The following ANKRD26 variants were observed in gnomAD, a reference collection of about 807,000 sequenced individuals.
ANKRD26 encodes the protein ankyrin repeat domain-containing protein 26.
Under a neutral mutation model 208.7 loss-of-function variants are expected in ANKRD26, and 141 were observed. The ratio of observed to expected loss-of-function variants is 0.68; its 90% CI spans 0.59 to 0.78. ANKRD26 has a LOEUF of 0.78. Among genes scored for constraint, ANKRD26 ranks in the 30% least tolerant of loss-of-function variants. The probability of loss-of-function intolerance (pLI) is 0.00; values close to 1 mark genes in which losing one functional copy is unlikely to be tolerated. For missense variants in ANKRD26, 1,889 were observed against 1,938.7 expected, an observed-to-expected ratio of 0.97 and a Z score of 0.48; for synonymous variants, 636 against 660.4, an observed-to-expected ratio of 0.96 and a Z score of 0.57.
intron 1 of ANKRD26, among the ~76,000 whole-genome samples, chr10:27,095,119 C>T (rs1262727088): frequency 6.6e-6 from 1 of 151,984 alleles, no homozygotes; most frequent in Non-Finnish European, 1.5e-5. Context: ...TTTATTACAA[C>T]TATAATTGGA....
intron 12 of ANKRD26, 140 bp from the exon 13 acceptor site, chr10:27,061,382 T>C (rs2055050561): frequency 1.8e-6 from 1 of 557,740 alleles, no homozygotes; most frequent in Admixed American, 3.4e-5. Context: ...CAGTGTTTAT[T>C]TAAAATAACA....
At chr10:27,044,871 AT>A (rs1311144624) in intron 18 of ANKRD26, among the ~76,000 whole-genome samples, 3 of 148,036 alleles carry the variant, frequency 2.0e-5, no homozygotes, top group African/African-American at 7.6e-5. Context: ...TCCAAAACAT[AT>A]TTTGCTGTGC....
At chr10:26,976,459 C>T (rs1004251275) in intron 5 of ANKRD26, among the ~76,000 whole-genome samples, 4 of 152,128 alleles carry the variant, frequency 2.6e-5, no homozygotes, top group African/African-American at 9.7e-5. Flanking sequence ...AGGTGATCTG[C>T]CCGCCTCAGC....
chr10:27,038,153 C>T, intron 21 of ANKRD26, 99 bp from the exon 22 acceptor site: 1 of 935,200 alleles, frequency 1.1e-6, no homozygotes, highest in Admixed American at 2.5e-5. Flanking sequence ...TACCCTAATA[C>T]AATTTCTATG....
At chr10:27,092,560 T>C (rs749071610) in intron 3 of ANKRD26, 48 bp from the exon 4 acceptor site, 1 of 1,373,384 alleles carries the variant, frequency 7.3e-7, no homozygotes, top group Admixed American at 1.8e-5. Flanking sequence ...TACATAATTC[T>C]CGGCTGAACT....
rs971166720 is a variant in ANKRD26, at chr10:27,096,782, G to GA, written c.243-2984dup. Among the ~76,000 whole-genome samples, 433 of 139,486 alleles carry GA rather than the reference G, an allele frequency of 3.1e-3. 2 individuals carry two copies. The highest frequency in any genetic ancestry group is 0.011 in the African/African-American group (408 of 36,142). The allele number at this position is 139,486 out of a possible 152,430, so 91.5% of individuals were successfully genotyped here. On this transcript the variant is annotated intron_variant, in intron 1 of 33. Coordinates refer to ENST00000376087, the MANE Select transcript of ANKRD26 (RefSeq NM_014915.3). The stretch of plus-strand genomic sequence containing the variant: ...CTCCATCTCAAAAAAAAAAAAAAAA[G>GA]AAAAAAAAATCAGCTCTGCAAATCT...
chr10:26,968,543 T>C, the ANKRD26 span, among the ~76,000 whole-genome samples: 1 of 152,192 alleles, frequency 6.6e-6, no homozygotes, highest in Non-Finnish European at 1.5e-5. Context: ...ACGGACAAAT[T>C]AGCCCCAACA....
chr10:27,050,219 C>CAAAAAAAAAAAAA (rs67384671), intron 16 of ANKRD26, among the ~76,000 whole-genome samples: 148 of 32,986 alleles, frequency 4.5e-3, no homozygotes, highest in East Asian at 0.015. Context: ...GAATCTGTCT[C>CAAAAAAAAAAAAA]AAAAAAAAAA....
At chr10:27,005,844 A>T in intron 33 of ANKRD26, 121 bp from the exon 34 acceptor site, 1 of 1,240,154 alleles carries the variant, frequency 8.1e-7, no homozygotes, top group South Asian at 1.7e-5. Context: ...ATATGTATGC[A>T]CAACTATTAT....
At chr10:27,044,231 T>A in intron 18 of ANKRD26, 41 bp from the exon 19 acceptor site, 1 of 1,396,606 alleles carries the variant, frequency 7.2e-7, no homozygotes, top group Non-Finnish European at 9.8e-7. Flanking sequence ...AGTAAACATG[T>A]AAAATGCAAG....
At position 27,014,670 on chromosome 10, in the gene ANKRD26, C is replaced by G. The variant is rs2053230855; in HGVS notation, c.4548G>C (p.Glu1516Asp). The change falls in exon 31 of 34, where the codon GAG becomes GAC. Residue 1516 changes from glutamate (E) to aspartate (D), a missense_variant. Coordinates refer to ENST00000376087, the MANE Select transcript of ANKRD26 (RefSeq NM_014915.3). ...ASQENLEQFR[E>D]NNFASMKSQM... ...GACTTTTCATTGAAGCAAAATTATTCTCTCTAAACTGCTCTAAGTTTTCTT... is the reference window on the plus strand; with the variant it reads ...GACTTTTCATTGAAGCAAAATTATTGTCTCTAAACTGCTCTAAGTTTTCTT... The G allele has an allele frequency of 6.2e-7, 1 of 1,610,568 alleles. No individual in the cohort carries two copies.
chr10:26,998,319 T>C lies in ANKRD26; in HGVS notation c.563-3172A>G, dbSNP rs894952098. Among the ~76,000 whole-genome samples, 7 of 152,228 alleles carry C rather than the reference T, an allele frequency of 4.6e-5. 1 individual carries two copies. Among genetic ancestry groups the C allele is most frequent in the African/African-American group, 1.7e-4 (7 of 41,454 alleles). On this transcript the variant is annotated intron_variant, in intron 4 of 5. Transcript: ENST00000445828. ...GGTGGCACTGCTAGATTTTATTCAA[T>C]CCACAACCCTTTGGAACACTGAGGG...
downstream of ANKRD26, among the ~76,000 whole-genome samples, chr10:26,988,166 C>T (rs1382028860): frequency 6.6e-6 from 1 of 152,130 alleles, no homozygotes; most frequent in Non-Finnish European, 1.5e-5. Context: ...AGGGTGAAAT[C>T]TGGTGTGCAG....
chr10:27,006,161 G>A (rs147255131), intron 33 of ANKRD26, among the ~76,000 whole-genome samples: 4 of 152,264 alleles, frequency 2.6e-5, no homozygotes, highest in East Asian at 1.9e-4. Context: ...AGTCAATAAC[G>A]TAGGCTTTTT....
chr10:27,080,607 A>G (rs2055872713), intron 6 of ANKRD26: 2 of 981,180 alleles, frequency 2.0e-6, no homozygotes, highest in Middle Eastern at 5.3e-4. Context: ...TATTTCCCTA[A>G]GTACTATCTA....
rs2053594332 is a variant in ANKRD26 at position 27,024,448 on chromosome 10, C to T, written c.4084G>A (p.Gly1362Arg). The T allele has an allele frequency of 6.9e-7, 1 of 1,444,872 alleles. No homozygotes were observed. 89.5% of individuals were successfully genotyped at this position (1,444,872 alleles called of 1,614,324 possible). A position where few individuals can be genotyped will look rare whatever the true frequency, so the allele number is the denominator to read the frequency against. The change falls in exon 28 of 34, where the codon GGA becomes AGA. Residue 1362 changes from glycine (G) to arginine (R), a missense_variant and splice_region_variant. Around this residue, in one of 3 missense-constraint regions of ANKRD26, gnomAD observed 613 missense variants for 648.2 expected, o/e 0.95. Coordinates refer to ENST00000376087, the MANE Select transcript of ANKRD26 (RefSeq NM_014915.3). ...KNVELEREITGFKNLLKMTRK... is the reference protein window; with the variant it reads ...KNVELEREITRFKNLLKMTRK... The stretch of plus-strand genomic sequence containing the variant: ...TGATCTGAAATATTAAAATCTTACC[C>T]AGTTATCTCTCTTTCTAATTCAACA...
chr10:26,951,737 T>C, the ANKRD26 span, among the ~76,000 whole-genome samples: 1 of 151,086 alleles, frequency 6.6e-6, no homozygotes, highest in Non-Finnish European at 1.5e-5. Context: ...CAGGATAATG[T>C]TGGATAATGT....
chr10:26,974,304 T>TC (rs1023076873), exon 6 of ANKRD26, among the ~76,000 whole-genome samples: 1 of 151,844 alleles, frequency 6.6e-6, no homozygotes, highest in African/African-American at 2.4e-5. Context: ...ATGTTCTGGG[T>TC]CATCATTCCT....
intron 32 of ANKRD26, among the ~76,000 whole-genome samples, chr10:27,010,855 T>C (rs1379999001): frequency 6.6e-6 from 1 of 152,102 alleles, no homozygotes; most frequent in East Asian, 1.9e-4. Context: ...AGTAGGAAAA[T>C]TTCATGACTC....
Sources: gnomAD v4.1 joint callset for allele counts (sites outside exome capture counted in the v4.1 genomes callset) on GRCh38, gnomAD v4.1.1 for gene constraint, gnomAD v4.1.1 regional missense constraint, MANE v1.5 for transcripts, NCBI Gene and HGNC (gene_info 2026-07-23, HGNC 2026-07-21) for gene names.